Variants in EZH2 observed in about 807,000 individuals in gnomAD.
EZH2 encodes enhancer of zeste 2 polycomb repressive complex 2 subunit.
EZH2 carries 18 observed loss-of-function variants against 98.4 expected under a neutral mutation model. That is an observed-to-expected ratio of 0.18 (90% CI 0.13 to 0.27). EZH2 has a LOEUF of 0.27. EZH2 is among the 10% of genes least tolerant of loss of function. The pLI, the probability that EZH2 is intolerant of heterozygous loss-of-function variation, is 1.00. For missense variants in EZH2, 470 were observed against 935.1 expected (o/e 0.50, Z 6.49); for synonymous variants, 338 against 312.3 (o/e 1.08, Z -0.87).
chr7:148,818,648 A>G (rs1434869416), intron 9 of EZH2, among the ~76,000 whole-genome samples: 1 of 152,128 alleles, frequency 6.6e-6, no homozygotes, highest in Non-Finnish European at 1.5e-5. Flanking sequence ...TACTATTAAA[A>G]CATCCAACAT....
chr7:148,863,399 ATC>A (rs1344033745), intron 1 of EZH2, among the ~76,000 whole-genome samples: 1 of 152,186 alleles, frequency 6.6e-6, no homozygotes, highest in Non-Finnish European at 1.5e-5. Context: ...AAATGAAATA[ATC>A]TGTCATATGT....
At chr7:148,861,313 G>A (rs570299091) in intron 1 of EZH2, among the ~76,000 whole-genome samples, 208 of 149,972 alleles carry the variant, frequency 1.4e-3, no homozygotes, top group Middle Eastern at 6.9e-3. Context: ...TGCAACCTCC[G>A]CCTCCAGGGT....
intron 1 of EZH2, chr7:148,883,528 C>T (rs1821324051): frequency 6.6e-6 from 1 of 150,844 alleles, no homozygotes; most frequent in Non-Finnish European, 1.5e-5. Flanking sequence ...GCCGCGGCCC[C>T]AGCCCGGGGT....
intron 4 of EZH2, among the ~76,000 whole-genome samples, chr7:148,831,210 TAGAC>T (rs1282151655): frequency 3.9e-5 from 6 of 152,154 alleles, no homozygotes; most frequent in Non-Finnish European, 7.3e-5. Flanking sequence ...ACAAGTACCG[TAGAC>T]AGACAAGGAA....
chr7:148,848,620 A>G (rs1814834474), intron 1 of EZH2, among the ~76,000 whole-genome samples: 1 of 152,210 alleles, frequency 6.6e-6, no homozygotes, highest in Non-Finnish European at 1.5e-5. Flanking sequence ...GTTTACTCAG[A>G]GCTGTAACAA....
At chr7:148,858,332 ATTATTATTT>A (rs763016920) in intron 1 of EZH2, among the ~76,000 whole-genome samples, 171 of 151,722 alleles carry the variant, frequency 1.1e-3, no homozygotes, top group Admixed American at 2.6e-3. Context: ...TTGTACTATT[ATTATTATTT>A]TTATTATTAT....
chr7:148,882,996 C>T (rs1821228032), intron 1 of EZH2, among the ~76,000 whole-genome samples: 1 of 152,222 alleles, frequency 6.6e-6, no homozygotes, highest in African/African-American at 2.4e-5. Context: ...TCTAAACACA[C>T]ATTTGTCATA....
chr7:148,828,339 T>G (rs1808345476), intron 6 of EZH2, among the ~76,000 whole-genome samples: 1 of 151,520 alleles, frequency 6.6e-6, no homozygotes, highest in Admixed American at 6.6e-5. Context: ...GTATTATGCT[T>G]TTTTTTTTCT....
At chr7:148,815,431 G>T in intron 13 of EZH2, 75 bp downstream of exon 13, 1 of 1,448,886 alleles carries the variant, frequency 6.9e-7, no homozygotes, top group Non-Finnish European at 9.7e-7. Context: ...CTCTAATCCA[G>T]TTACTATTCT....
chr7:148,853,210 G>A (rs147038025), intron 1 of EZH2, among the ~76,000 whole-genome samples: 48 of 152,260 alleles, frequency 3.2e-4, no homozygotes, highest in African/African-American at 1.1e-3. Flanking sequence ...TCAGGAATTC[G>A]AGACCAGTCT....
chr7:148,819,434 G>A (rs1805420704), intron 9 of EZH2, among the ~76,000 whole-genome samples, 162 bp downstream of exon 9: 1 of 152,206 alleles, frequency 6.6e-6, no homozygotes, highest in African/African-American at 2.4e-5. Context: ...AAAATGTGCA[G>A]TACATGAGCT....
chr7:148,834,009 T>C (rs2129478608), intron 3 of EZH2, among the ~76,000 whole-genome samples: 1 of 152,310 alleles, frequency 6.6e-6, no homozygotes, highest in Admixed American at 6.5e-5. Context: ...TACATCATTA[T>C]CTTCTGTATC....
rs143589780 is a variant in EZH2 at position 148,869,338 on chromosome 7, CTTTTTTTTTTTTT to C, written c.-8+14813_-8+14825del. Among the ~76,000 whole-genome samples, 13 of 80,292 alleles carry C rather than the reference CTTTTTTTTTTTTT, an allele frequency of 1.6e-4. No homozygotes were observed. The Admixed American group carries it at 2.2e-3, about 13-fold the overall frequency. 52.7% of individuals were successfully genotyped at this position (80,292 alleles called of 152,430 possible). On this transcript the variant is annotated intron_variant, in intron 1 of 19. Coordinates refer to ENST00000320356, the MANE Select transcript of EZH2 (RefSeq NM_004456.5). ...AAAGGACCCTATAGGCAGCAATAGC[CTTTTTTTTTTTTT>C]TTTTTTTTTTTGGAGACACAGTCTC...
intron 8 of EZH2, among the ~76,000 whole-genome samples, chr7:148,824,687 T>C (rs1240362624): frequency 6.6e-6 from 1 of 152,244 alleles, no homozygotes; most frequent in Non-Finnish European, 1.5e-5. Flanking sequence ...ATTTATTTAG[T>C]AACTTATTTT....
chr7:148,808,347 A>G (rs1372659193), intron 19 of EZH2, among the ~76,000 whole-genome samples: 1 of 152,256 alleles, frequency 6.6e-6, no homozygotes, highest in East Asian at 1.9e-4. Context: ...TGCAACAGCC[A>G]TTAAAGGCCA....
At chr7:148,874,593 A>G (rs1272101438) in intron 1 of EZH2, among the ~76,000 whole-genome samples, 1 of 152,156 alleles carries the variant, frequency 6.6e-6, no homozygotes, top group East Asian at 1.9e-4. Context: ...AGCTTGCTTT[A>G]TATATTTTTT....
intron 1 of EZH2, among the ~76,000 whole-genome samples, chr7:148,873,491 C>CAAAAAAAAAAA (rs1162280467): frequency 1.7e-4 from 10 of 58,514 alleles, no homozygotes; most frequent in African/African-American, 5.0e-4. Context: ...GACTCTGTCT[C>CAAAAAAAAAAA]AAAAAAAAAA....
At chr7:148,843,599 T>C (rs1346185825) in intron 3 of EZH2, among the ~76,000 whole-genome samples, 3 of 115,030 alleles carry the variant, frequency 2.6e-5, no homozygotes, top group African/African-American at 1.1e-4. Context: ...TTTTTTTTTT[T>C]TTTTTTTTTT....
intron 1 of EZH2, among the ~76,000 whole-genome samples, chr7:148,873,581 T>G (rs1819770774): frequency 8.1e-6 from 1 of 124,072 alleles, no homozygotes. Flanking sequence ...TTTTTTTTTT[T>G]GCCTCAGAGT....
Sources: allele counts gnomAD v4.1 joint callset (sites outside exome capture counted in the v4.1 genomes callset), GRCh38; gene constraint gnomAD v4.1.1; transcripts MANE v1.5; gene names NCBI Gene and HGNC (gene_info 2026-07-23, HGNC 2026-07-21).